Variants in PDLIM2 observed in about 807,000 individuals in gnomAD.
PDLIM2 encodes the protein PDZ and LIM domain protein 2.
Under a neutral mutation model 54.1 loss-of-function variants are expected in PDLIM2, and 51 were observed. The observed-to-expected ratio is 0.94, with a 90% CI of 0.75 to 1.19. The LOEUF (loss-of-function observed/expected upper bound fraction) is 1.19, where lower values mean the gene tolerates loss of function less well. PDLIM2 is among the 50% of genes most tolerant of loss of function. The pLI, the probability that PDLIM2 is intolerant of heterozygous loss-of-function variation, is 0.00. For missense variants in PDLIM2, 912 were observed against 874.0 expected (o/e 1.04, Z -0.55); for synonymous variants, 398 against 385.6 (o/e 1.03, Z -0.38).
At chr8:22,589,780 CTTCCG>C in intron 8 of PDLIM2, 39 bp downstream of exon 7, 1 of 1,551,148 alleles carries the variant, frequency 6.4e-7, no homozygotes, top group Non-Finnish European at 8.7e-7. Flanking sequence ...AGGAGGTTCC[CTTCCG>C]TACCCCGGGC....
intron 1 of PDLIM2, chr8:22,579,696 C>A: frequency 1.2e-6 from 1 of 811,292 alleles, no homozygotes. Flanking sequence ...CAGGGCAGCC[C>A]CAGGATGGGT....
intron 8 of PDLIM2, chr8:22,591,038 C>A: frequency 5.6e-6 from 1 of 177,548 alleles, no homozygotes; most frequent in Non-Finnish European, 1.2e-5. Flanking sequence ...CCTGAGGCCT[C>A]AGAAGGTCCC....
exon 1 of PDLIM2, chr8:22,578,745 A>G: frequency 8.1e-7 from 1 of 1,233,304 alleles, no homozygotes; most frequent in South Asian, 4.1e-5. Context: ...GACCGCAGAC[A>G]CACCCAGGCA....
downstream of PDLIM2, chr8:22,595,156 C>T (rs536718690): frequency 6.5e-6 from 1 of 153,866 alleles, no homozygotes; most frequent in South Asian, 2.0e-4. Context: ...CTGGCTGGTC[C>T]CTGCCGGCAG....
At position 22,589,983 on chromosome 8, in the gene PDLIM2, G is replaced by C. The variant is rs1015145763; in HGVS notation, c.1513+242G>C. 12 of 542,442 alleles carry C rather than the reference G, an allele frequency of 2.2e-5. No individual in the cohort carries two copies. The Admixed American group carries it at 3.8e-4, about 17-fold the overall frequency. 33.6% of individuals were successfully genotyped at this position (542,442 alleles called of 1,614,324 possible). A position where few individuals can be genotyped will look rare whatever the true frequency, so the allele number is the denominator to read the frequency against. On this transcript the variant is annotated intron_variant, in intron 8 of 9. Transcript: ENST00000308354. Reference sequence around the variant, plus strand: ...TAGTGGGCAGTAGCCAGCTGGGATGGGAAAGTGTCATTCGAGTGATAAAAG... The same window carrying C: ...TAGTGGGCAGTAGCCAGCTGGGATGCGAAAGTGTCATTCGAGTGATAAAAG...
At chr8:22,580,512 C>T in intron 1 of PDLIM2, 1 of 1,601,758 alleles carries the variant, frequency 6.2e-7, no homozygotes, top group Non-Finnish European at 8.5e-7. Flanking sequence ...GTGCCCTCTC[C>T]TTCTCCCTTT....
chr8:22,593,689 C>T, intron 9 of PDLIM2, 44 bp from the exon 9 acceptor site: 1 of 1,524,854 alleles, frequency 6.6e-7, no homozygotes, highest in Non-Finnish European at 8.8e-7. Context: ...TGGCCTCCTG[C>T]TTGGTGCTGT....
downstream of PDLIM2, chr8:22,594,415 A>G (rs1159962201): frequency 2.3e-5 from 36 of 1,580,898 alleles, no homozygotes; most frequent in South Asian, 3.4e-5. Context: ...CCCTCCCTCA[A>G]ATCCCACCCC....
rs563598088 is a variant in PDLIM2 at position 22,584,955 on chromosome 8, G to A, written c.1066-62G>A. On this transcript the variant is annotated intron_variant, in intron 4 of 9. Coordinates refer to ENST00000308354, the Ensembl canonical transcript of PDLIM2. ...TCACTGGTGCATGAAAGTGAGGCCCGAGGGCAGGGCGGCCTTGGCGGGGCA... is the reference window on the plus strand; with the variant it reads ...TCACTGGTGCATGAAAGTGAGGCCCAAGGGCAGGGCGGCCTTGGCGGGGCA... The A allele has an allele frequency of 1.8e-5, 29 of 1,613,706 alleles. 1 individual carries two copies. The Middle Eastern group carries it at 6.6e-4, about 37-fold the overall frequency.
At chr8:22,581,509 C>A in exon 3 of PDLIM2, 1 of 1,591,572 alleles carries the variant, frequency 6.3e-7, no homozygotes, top group Non-Finnish European at 8.5e-7. Flanking sequence ...AGCCCCTCGC[C>A]CCTGCGGCTG....
intron 6 of PDLIM2, among the ~76,000 whole-genome samples, chr8:22,587,559 G>A (rs964217016): frequency 1.3e-5 from 2 of 152,012 alleles, no homozygotes; most frequent in Admixed American, 6.5e-5. Context: ...CACACATTTC[G>A]AGAGGTGTTG....
chr8:22,589,048 C>T, intron 6 of PDLIM2: 1 of 577,502 alleles, frequency 1.7e-6, no homozygotes, highest in Non-Finnish European at 3.1e-6. Flanking sequence ...AACCCGCATG[C>T]CTCCCTCCCT....
chr8:22,582,200 G>C (rs544126651), intron 3 of PDLIM2, among the ~76,000 whole-genome samples: 1 of 152,318 alleles, frequency 6.6e-6, no homozygotes, highest in South Asian at 2.1e-4. Context: ...CTCTGCACGG[G>C]CCTAGAACCT....
At chr8:22,594,726 C>G, downstream of PDLIM2, 1 of 1,522,376 alleles carries the variant, frequency 6.6e-7, no homozygotes, top group Non-Finnish European at 8.8e-7. Flanking sequence ...CCGACACCTT[C>G]CACTTCTTTC....
chr8:22,579,458 A>G, exon 1 of PDLIM2: 1 of 1,518,490 alleles, frequency 6.6e-7, no homozygotes, highest in Non-Finnish European at 8.8e-7. Flanking sequence ...CAGAACTGGT[A>G]GAGCCGGGCC....
chr8:22,594,746 A>G, downstream of PDLIM2: 2 of 1,488,802 alleles, frequency 1.3e-6, no homozygotes, highest in Non-Finnish European at 1.8e-6. Context: ...CCTGGGAGAG[A>G]CTGCTGGCTT....
rs775112856 is a variant in PDLIM2 at position 22,589,515 on chromosome 8, G to A, written c.1368-81G>A. On this transcript the variant is annotated intron_variant, in intron 7 of 9. Coordinates refer to ENST00000308354, the Ensembl canonical transcript of PDLIM2. ...TCCCAGATTCCTCCCCCTCCCCCAC[G>A]CTCTTCTCCTGCCCCCCACCCCCTT... 295 of 837,022 alleles carry A rather than the reference G, an allele frequency of 3.5e-4. 2 individuals carry two copies. Among genetic ancestry groups the A allele is most frequent in the African/African-American group, 2.9e-3 (156 of 54,060 alleles). 51.8% of individuals were successfully genotyped at this position (837,022 alleles called of 1,614,324 possible).
At chr8:22,586,243 C>T (rs1586923997) in intron 6 of PDLIM2, among the ~76,000 whole-genome samples, 2 of 152,206 alleles carry the variant, frequency 1.3e-5, no homozygotes, top group Admixed American at 1.3e-4. Flanking sequence ...TTTCTGGGGG[C>T]CTTCCGAACA....
chr8:22,591,489 A>G (rs2117366388), intron 8 of PDLIM2, 62 bp from the exon 8 acceptor site: 2 of 1,463,392 alleles, frequency 1.4e-6, no homozygotes, highest in South Asian at 2.3e-5. Flanking sequence ...TCCTCAGAGC[A>G]TCTTTGGGAG....
Sources: allele counts gnomAD v4.1 joint callset (sites outside exome capture counted in the v4.1 genomes callset), GRCh38; gene constraint gnomAD v4.1.1; transcripts MANE v1.5; gene names NCBI Gene and HGNC (gene_info 2026-07-23, HGNC 2026-07-21).